TPO: variants seen among roughly 807,000 people sequenced by gnomAD.
TPO encodes the protein thyroid peroxidase.
Under a neutral mutation model 96.9 loss-of-function variants are expected in TPO, and 78 were observed. The ratio of observed to expected loss-of-function variants is 0.81; its 90% confidence interval spans 0.67 to 0.97. The LOEUF is 0.97. Among genes scored for constraint, TPO ranks in the 50% least tolerant of loss-of-function variants. The pLI, the probability that TPO is intolerant of heterozygous loss-of-function variation, is 0.00. For synonymous variants in TPO, 547 were observed against 538.0 expected (o/e 1.02, Z -0.23); for missense variants, 1,252 against 1,274.8 (o/e 0.98, Z 0.27).
chr2:1,499,414 A>C (rs1246371220), intron 13 of TPO, among the ~76,000 whole-genome samples: 1 of 152,174 alleles, frequency 6.6e-6, no homozygotes, highest in African/African-American at 2.4e-5. Context: ...CAGCTGTCTG[A>C]AGTTAAGATC....
At chr2:1,379,608 G>GAGC (rs1380795943) in intron 1 of TPO, among the ~76,000 whole-genome samples, 32 of 152,272 alleles carry the variant, frequency 2.1e-4, no homozygotes, top group African/African-American at 7.2e-4. Context: ...GGGCCTTCTT[G>GAGC]TAAACCAGGG....
At chr2:1,418,502 A>G (rs1320034014) in intron 2 of TPO, among the ~76,000 whole-genome samples, 4 of 152,170 alleles carry the variant, frequency 2.6e-5, no homozygotes, top group Non-Finnish European at 5.9e-5. Flanking sequence ...TCAGCACCTG[A>G]AAATTCTGTA....
Position 1,478,391 on chromosome 2 carries a change from C to T in TPO, c.1338+787C>T, listed in dbSNP as rs941519627. On this transcript the variant is annotated intron_variant, in intron 8 of 16. Coordinates refer to ENST00000329066, the MANE Select transcript of TPO (RefSeq NM_001206744.2). ...TGGGCATCGTGTCTGCAGTCCTAGCCGGGAGCCTGCAGGGAGGTGCGCGTC... is the reference window on the plus strand; with the variant it reads ...TGGGCATCGTGTCTGCAGTCCTAGCTGGGAGCCTGCAGGGAGGTGCGCGTC... 5.5e-5 allele frequency: 54 copies of T among 985,276 alleles called. No homozygotes were observed. The African/African-American group carries it at 7.0e-4, about 13-fold the overall frequency. The allele number at this position is 985,276 out of a possible 1,614,324, so 61.0% of individuals were successfully genotyped here. A position where few individuals can be genotyped will look rare whatever the true frequency, so the allele number is the denominator to read the frequency against.
rs1442164708 is a variant in TPO at position 1,527,764 on chromosome 2, A to T, written c.2618+10782A>T. Among the ~76,000 whole-genome samples the T allele has an allele frequency of 3.6e-5, 5 of 137,332 alleles. No individual in the cohort carries two copies. In the Admixed American group the frequency reaches 3.7e-4, roughly 10 times the overall value. The allele number at this position is 137,332 out of a possible 152,430, so 90.1% of individuals were successfully genotyped here. On this transcript the variant is annotated intron_variant, in intron 15 of 16. Transcript: ENST00000329066. ...CTCCCACTCTGGGCAACCTCCCCAA[A>T]TCCCCCCCACTCTGTGCAACCTCCC... is the stretch of plus-strand genomic sequence containing the variant.
chr2:1,416,431 A>G (rs73183010), intron 2 of TPO, among the ~76,000 whole-genome samples: 2,945 of 152,362 alleles, frequency 0.019, 98 homozygotes, highest in African/African-American at 0.067. Flanking sequence ...CAAAATATTT[A>G]AAACTTTGTA....
At chr2:1,404,112 T>G (rs1176359986) in intron 1 of TPO, among the ~76,000 whole-genome samples, 1 of 152,214 alleles carries the variant, frequency 6.6e-6, no homozygotes, top group Non-Finnish European at 1.5e-5. Flanking sequence ...AAACCCGTGT[T>G]GTATGTGATT....
chr2:1,480,647 C>A lies in TPO; in HGVS notation c.1338+3043C>A, dbSNP rs1011436220. Among the ~76,000 whole-genome samples the A allele has an allele frequency of 2.1e-5, 3 of 140,422 alleles. No homozygotes were observed. The South Asian group carries it at 6.7e-4, about 32-fold the overall frequency. The allele number at this position is 140,422 out of a possible 152,430, so 92.1% of individuals were successfully genotyped here. A position where few individuals can be genotyped will look rare whatever the true frequency, so the allele number is the denominator to read the frequency against. ...GGCTAATGCACACATCAGCAAGAGA[C>A]AGGAAAGGTCATCTCAGAGCCGGGA... On this transcript the variant is annotated intron_variant, in intron 8 of 16. Coordinates refer to ENST00000329066, the MANE Select transcript of TPO (RefSeq NM_001206744.2).
chr2:1,528,600 C>A (rs1419640532), intron 15 of TPO, among the ~76,000 whole-genome samples: 2 of 142,466 alleles, frequency 1.4e-5, no homozygotes, highest in African/African-American at 5.4e-5. Flanking sequence ...CGCCCCAAAT[C>A]TACCCCAGTC....
chr2:1,458,337 TG>T (rs1217938405), intron 7 of TPO, among the ~76,000 whole-genome samples: 1 of 151,428 alleles, frequency 6.6e-6, no homozygotes, highest in African/African-American at 2.4e-5. Flanking sequence ...TATGCGGACA[TG>T]TGTGTATATA....
At chr2:1,410,000 T>G (rs1662305519), upstream of TPO, among the ~76,000 whole-genome samples, 1 of 150,114 alleles carries the variant, frequency 6.7e-6, no homozygotes. Flanking sequence ...ACAGGTGCCG[T>G]GAGGGGCAGA....
intron 1 of TPO, among the ~76,000 whole-genome samples, chr2:1,384,011 A>G (rs1033712188): frequency 6.6e-6 from 1 of 152,196 alleles, no homozygotes; most frequent in Non-Finnish European, 1.5e-5. Context: ...CAGGTTTGTC[A>G]AAGATCAGAT....
intron 1 of TPO, among the ~76,000 whole-genome samples, chr2:1,388,501 C>T (rs898192412): frequency 5.3e-5 from 8 of 152,218 alleles, no homozygotes; most frequent in Non-Finnish European, 1.2e-4. Flanking sequence ...GTGTAGGACC[C>T]TCCGAGCCAG....
chr2:1,441,622 G>A (rs62105621), intron 5 of TPO, among the ~76,000 whole-genome samples: 42,241 of 151,910 alleles, frequency 0.28, 6,356 homozygotes, highest in South Asian at 0.39. Context: ...ACTCTGCTGC[G>A]CTCCCAGCCA....
chr2:1,415,290 T>C (rs1257148784), intron 2 of TPO, among the ~76,000 whole-genome samples: 2 of 137,986 alleles, frequency 1.4e-5, no homozygotes, highest in African/African-American at 5.5e-5. Context: ...CTGGAGCAGG[T>C]GACACCTCAC....
intron 9 of TPO, among the ~76,000 whole-genome samples, chr2:1,486,709 AT>A (rs1307068695): frequency 3.9e-5 from 6 of 152,006 alleles, no homozygotes; most frequent in African/African-American, 1.2e-4. Context: ...AAGCTTCCCC[AT>A]TTTTTCTTTA....
At chr2:1,476,443 G>A (rs1213932598) in intron 7 of TPO, among the ~76,000 whole-genome samples, 1 of 152,176 alleles carries the variant, frequency 6.6e-6, no homozygotes, top group Non-Finnish European at 1.5e-5. Flanking sequence ...GATGGAAGCT[G>A]GCCACAGCCA....
chr2:1,486,658 G>T (rs189810939), intron 9 of TPO, among the ~76,000 whole-genome samples: 1 of 152,308 alleles, frequency 6.6e-6, no homozygotes, highest in Admixed American at 6.5e-5. Flanking sequence ...GGAAGAAAAT[G>T]ATCCTATTCC....
intron 1 of TPO, among the ~76,000 whole-genome samples, chr2:1,390,019 CTTT>C (rs5828818): frequency 7.2e-6 from 1 of 138,048 alleles, no homozygotes; most frequent in African/African-American, 2.6e-5. Flanking sequence ...TCTTTCTTTT[CTTT>C]TTTTTTTTTT....
At chr2:1,488,407 T>C (rs548780701) in intron 10 of TPO, among the ~76,000 whole-genome samples, 1 of 152,226 alleles carries the variant, frequency 6.6e-6, no homozygotes, top group African/African-American at 2.4e-5. Context: ...TCAGGACTGC[T>C]GTTAACTAAC....
Sources: allele counts gnomAD v4.1 joint callset (sites outside exome capture counted in the v4.1 genomes callset), GRCh38; gene constraint gnomAD v4.1.1; transcripts MANE v1.5; gene names NCBI Gene and HGNC (gene_info 2026-07-23, HGNC 2026-07-21).